ARHGAP15: variants seen among roughly 807,000 people sequenced by gnomAD.
ARHGAP15 encodes the protein Rho GTPase activating protein 15.
In ARHGAP15, 51 loss-of-function variants were observed where a neutral mutation model predicts 63.7. The ratio of observed to expected loss-of-function variants is 0.80; its 90% CI spans 0.64 to 1.01. The LOEUF is 1.01. Ranked by LOEUF, ARHGAP15 falls within the 50% of genes least tolerant of loss-of-function variation. The probability of loss-of-function intolerance (pLI) is 0.00; values close to 1 mark genes in which losing one functional copy is unlikely to be tolerated. For missense variants in ARHGAP15, 560 were observed against 564.6 expected, an observed-to-expected ratio of 0.99 and a Z score of 0.08; for synonymous variants, 191 against 193.8, an observed-to-expected ratio of 0.99 and a Z score of 0.12.
chr2:143,372,613 ATTCT>A (rs1008785670), intron 6 of ARHGAP15, among the ~76,000 whole-genome samples: 5 of 152,128 alleles, frequency 3.3e-5, no homozygotes, highest in African/African-American at 9.7e-5. Context: ...AGTTAGGAAG[ATTCT>A]TTCTTTACCA....
Position 143,703,423 on chromosome 2 carries a change from G to T in ARHGAP15, c.1143G>T (p.Lys381Asn). The stretch of plus-strand genomic sequence containing the variant: ...CCTTTTTATTTTTTTTTCCAGAAAA[G>T]CAAGACAACAACACAAGAATTGAAG... ...FFEQFVEAIK[K>N]QDNNTRIEAV... The change falls in exon 13 of 14, where the codon AAG becomes AAT. Residue 381 changes from lysine to asparagine, a missense_variant. By Grantham distance (94) the Lys-to-Asn change is moderately conservative. Transcript: ENST00000295095. 1 of 1,599,030 alleles carries T rather than the reference G, an allele frequency of 6.3e-7. No homozygotes were observed.
chr2:143,333,199 C>T (rs891333503), intron 6 of ARHGAP15, among the ~76,000 whole-genome samples: 3 of 152,150 alleles, frequency 2.0e-5, no homozygotes, highest in African/African-American at 7.2e-5. Context: ...AGCAGTTGCT[C>T]TTCATGAGAA....
intron 10 of ARHGAP15, among the ~76,000 whole-genome samples, chr2:143,520,505 CAG>C (rs1315515686): frequency 6.6e-6 from 1 of 152,012 alleles, no homozygotes; most frequent in Middle Eastern, 3.2e-3. Context: ...ATCAACACAT[CAG>C]AGAGAAGAGC....
intron 10 of ARHGAP15, chr2:143,519,601 T>C: frequency 3.2e-6 from 1 of 308,920 alleles, no homozygotes; most frequent in South Asian, 3.8e-5. Context: ...TCTGACTTAC[T>C]GTTGATTCAA....
intron 2 of ARHGAP15, among the ~76,000 whole-genome samples, chr2:143,191,795 G>A (rs555065151): frequency 3.9e-5 from 6 of 152,186 alleles, no homozygotes; most frequent in South Asian, 4.2e-4. Flanking sequence ...CAACTATACC[G>A]ATTTACCTCT....
At chr2:143,218,923 T>G (rs1692877844) in intron 4 of ARHGAP15, among the ~76,000 whole-genome samples, 1 of 152,242 alleles carries the variant, frequency 6.6e-6, no homozygotes. Flanking sequence ...TTATGAAGAC[T>G]ACCATGTCGC....
intron 11 of ARHGAP15, among the ~76,000 whole-genome samples, chr2:143,567,175 TTATC>T (rs1696265003): frequency 6.6e-6 from 1 of 152,118 alleles, no homozygotes; most frequent in Admixed American, 6.5e-5. Context: ...GCGTGCTTCT[TTATC>T]TATCACCTCA....
At chr2:143,573,369 A>G (rs964826040) in intron 11 of ARHGAP15, among the ~76,000 whole-genome samples, 5 of 152,184 alleles carry the variant, frequency 3.3e-5, no homozygotes, top group Non-Finnish European at 7.4e-5. Context: ...AAATACTCCC[A>G]AATATGTTCC....
At chr2:143,224,378 G>A (rs542979890) in intron 4 of ARHGAP15, among the ~76,000 whole-genome samples, 9 of 152,084 alleles carry the variant, frequency 5.9e-5, no homozygotes, top group African/African-American at 9.6e-5. Context: ...AATTTGAAAG[G>A]CCATATACTC....
intron 11 of ARHGAP15, among the ~76,000 whole-genome samples, chr2:143,586,891 A>G (rs907160480): frequency 6.0e-5 from 9 of 150,798 alleles, no homozygotes; most frequent in African/African-American, 1.2e-4. Context: ...CAATCTCTCA[A>G]TCTCTCAATC....
At chr2:143,445,391 G>A (rs1690090765) in intron 8 of ARHGAP15, among the ~76,000 whole-genome samples, 1 of 151,924 alleles carries the variant, frequency 6.6e-6, no homozygotes, top group African/African-American at 2.4e-5. Flanking sequence ...TCGACCTCCT[G>A]ACCTCACGAT....
At chr2:143,396,160 CA>C (rs564673670) in intron 6 of ARHGAP15, among the ~76,000 whole-genome samples, 79 of 152,204 alleles carry the variant, frequency 5.2e-4, no homozygotes, top group African/African-American at 1.8e-3. Flanking sequence ...ATGTTCTCAT[CA>C]AAAACGAGGT....
intron 6 of ARHGAP15, among the ~76,000 whole-genome samples, chr2:143,415,160 C>G (rs1425413590): frequency 3.3e-5 from 5 of 152,078 alleles, no homozygotes; most frequent in East Asian, 1.9e-4. Context: ...TATATCCTAA[C>G]TAAGACACAA....
At chr2:143,276,664 A>C (rs990585321) in intron 6 of ARHGAP15, among the ~76,000 whole-genome samples, 2 of 152,166 alleles carry the variant, frequency 1.3e-5, no homozygotes, top group African/African-American at 4.8e-5. Context: ...CAGGTGTGGC[A>C]GCTCACATCT....
intron 11 of ARHGAP15, among the ~76,000 whole-genome samples, chr2:143,575,978 T>G (rs1474699174): frequency 3.3e-5 from 5 of 152,104 alleles, no homozygotes; most frequent in African/African-American, 1.2e-4. Flanking sequence ...AGGAATGTGT[T>G]ATTCTGACAA....
At chr2:143,479,202 T>C (rs1392593565) in intron 8 of ARHGAP15, among the ~76,000 whole-genome samples, 8 of 152,212 alleles carry the variant, frequency 5.3e-5, no homozygotes, top group Non-Finnish European at 1.2e-4. Context: ...TACTGAAATA[T>C]CCAATATTCT....
chr2:143,167,027 T>C (rs1690570367), intron 2 of ARHGAP15, among the ~76,000 whole-genome samples: 2 of 152,160 alleles, frequency 1.3e-5, no homozygotes, highest in Admixed American at 1.3e-4. Flanking sequence ...CGAATGAAAG[T>C]GTTAATATAT....
intron 6 of ARHGAP15, among the ~76,000 whole-genome samples, chr2:143,303,537 A>T (rs1432696073): frequency 6.6e-6 from 1 of 152,106 alleles, no homozygotes; most frequent in East Asian, 1.9e-4. Context: ...TAGGCAATAC[A>T]TTCAGGACAT....
intron 8 of ARHGAP15, among the ~76,000 whole-genome samples, chr2:143,446,467 A>G (rs1690142148): frequency 6.6e-6 from 1 of 152,080 alleles, no homozygotes; most frequent in African/African-American, 2.4e-5. Context: ...TATCTTCATT[A>G]TTTTATTGAC....
Sources: gnomAD v4.1 joint callset for allele counts (sites outside exome capture counted in the v4.1 genomes callset) on GRCh38, gnomAD v4.1.1 for gene constraint, MANE v1.5 for transcripts, NCBI Gene and HGNC (gene_info 2026-07-23, HGNC 2026-07-21) for gene names.